The following AAK1 variants were observed in gnomAD, a reference collection of about 807,000 sequenced individuals.
The protein encoded by AAK1 is AP2 associated kinase 1, also known as AP2-associated protein kinase 1.
A neutral mutation model predicts 116.0 loss-of-function variants in AAK1; 37 were observed. The observed-to-expected ratio is 0.32, with a 90% CI of 0.25 to 0.42. The LOEUF (loss-of-function observed/expected upper bound fraction) is 0.42. AAK1 is among the 10% of genes least tolerant of loss of function. The pLI, the probability that AAK1 is intolerant of heterozygous loss-of-function variation, is 1.00. For synonymous variants in AAK1, 458 were observed against 439.9 expected (o/e 1.04, Z -0.51); for missense variants, 919 against 1,170.6 (o/e 0.79, Z 3.14).
chr2:69,560,071 A>C (rs1199443497), intron 2 of AAK1, among the ~76,000 whole-genome samples: 1 of 152,242 alleles, frequency 6.6e-6, no homozygotes, highest in Non-Finnish European at 1.5e-5. Context: ...ACACAGATGA[A>C]GCCACATTGT....
intron 2 of AAK1, among the ~76,000 whole-genome samples, chr2:69,636,849 G>A (rs531704388): frequency 2.0e-5 from 3 of 152,090 alleles, no homozygotes; most frequent in African/African-American, 7.2e-5. Flanking sequence ...ACAGGTAGCC[G>A]CCACCACGCC....
At chr2:69,531,471 T>TA (rs1344465572) in intron 6 of AAK1, 24 of 540,710 alleles carry the variant, frequency 4.4e-5, no homozygotes, top group African/African-American at 8.3e-5. Flanking sequence ...CTGTTGCCTG[T>TA]AAAAAATCCA....
At chr2:69,560,929 G>A (rs544930496) in intron 2 of AAK1, among the ~76,000 whole-genome samples, 12 of 152,350 alleles carry the variant, frequency 7.9e-5, no homozygotes, top group Admixed American at 3.9e-4. Flanking sequence ...TATGGGAAAC[G>A]AATGTGATGG....
chr2:69,587,461 G>GTATA (rs141085291), intron 2 of AAK1, among the ~76,000 whole-genome samples: 2,108 of 137,774 alleles, frequency 0.015, 53 homozygotes, highest in African/African-American at 0.059. Flanking sequence ...ATATGTGTGT[G>GTATA]TATATATATA....
chr2:69,551,433 C>G (rs1334447135), intron 3 of AAK1, among the ~76,000 whole-genome samples: 2 of 152,216 alleles, frequency 1.3e-5, no homozygotes, highest in East Asian at 3.8e-4. Context: ...GTTCCAGATT[C>G]TTGTCCCAGA....
At chr2:69,533,244 A>T (rs143787922) in intron 5 of AAK1, among the ~76,000 whole-genome samples, 122 of 152,266 alleles carry the variant, frequency 8.0e-4, no homozygotes, top group African/African-American at 2.8e-3. Flanking sequence ...GGTCTTCTCT[A>T]CCTAGTGCCT....
chr2:69,477,660 CTG>C (rs1416819924), intron 20 of AAK1, among the ~76,000 whole-genome samples: 1 of 152,246 alleles, frequency 6.6e-6, no homozygotes, highest in Non-Finnish European at 1.5e-5. Context: ...TGATGCTTCT[CTG>C]TAATTCTACA....
In AAK1 at chr2:69,520,955, T is replaced by C; in HGVS notation, c.1089A>G (p.Ser363=). 1.2e-6 allele frequency: 2 copies of C among 1,613,822 alleles called. No homozygotes were observed. Among genetic ancestry groups the C allele is most frequent in the Non-Finnish European group, 1.7e-6 (2 of 1,179,802 alleles). ...CTTTAGGCCTCTGGCGGGGTGCAAT[T>C]GAAGTCTCTGTGGTGGGAATGGGAT... ...LTDPIPTTET[S]IAPRQRPKAG... is the part of the protein sequence containing the mutation. The change falls in exon 11 of 22, where the codon TCA becomes TCG. Residue 363 remains serine, a synonymous_variant. Coordinates refer to ENST00000409085, the MANE Select transcript of AAK1 (RefSeq NM_014911.5).
chr2:69,475,760 C>T lies in AAK1; in HGVS notation c.*109G>A, dbSNP rs1674831328. ...GGGGTAGGAGAAAAGGGCTGGAGGG[C>T]CCCTTATTTGCAGATTTTTTTAAAA... On this transcript the variant is annotated 3_prime_UTR_variant, in exon 22 of 22. Transcript: ENST00000409085. 6.1e-6 allele frequency: 9 copies of T among 1,480,960 alleles called. No homozygotes were observed. In the South Asian group the frequency reaches 1.2e-4, roughly 20 times the overall value. The allele number at this position is 1,480,960 out of a possible 1,614,324, so 91.7% of individuals were successfully genotyped here.
intron 2 of AAK1, among the ~76,000 whole-genome samples, chr2:69,595,255 G>A (rs1673223598): frequency 6.6e-6 from 1 of 152,134 alleles, no homozygotes; most frequent in Admixed American, 6.5e-5. Context: ...TGGGATTACA[G>A]GCACGCACCA....
intron 2 of AAK1, among the ~76,000 whole-genome samples, chr2:69,640,622 G>C (rs868043873): frequency 6.6e-6 from 1 of 152,230 alleles, no homozygotes. Context: ...TAAATACTTT[G>C]TATACTGGCT....
intron 12 of AAK1, among the ~76,000 whole-genome samples, chr2:69,518,483 G>A (rs925938958): frequency 4.0e-5 from 6 of 149,350 alleles, no homozygotes; most frequent in African/African-American, 7.4e-5. Context: ...GCAATGGCAC[G>A]ATCTCGGCTC....
intron 5 of AAK1, among the ~76,000 whole-genome samples, chr2:69,537,214 A>C (rs1449700448): frequency 6.6e-6 from 1 of 152,226 alleles, no homozygotes; most frequent in African/African-American, 2.4e-5. Context: ...TTCTCAGAGA[A>C]ATGAAAATTT....
intron 2 of AAK1, among the ~76,000 whole-genome samples, chr2:69,630,999 A>G (rs1432504793): frequency 1.3e-5 from 2 of 152,228 alleles, no homozygotes; most frequent in Non-Finnish European, 2.9e-5. Flanking sequence ...GGGAGATTAA[A>G]CAAGTCTAAC....
At chr2:69,513,491 T>C (rs1267423861) in intron 13 of AAK1, among the ~76,000 whole-genome samples, 1 of 152,092 alleles carries the variant, frequency 6.6e-6, no homozygotes, top group Non-Finnish European at 1.5e-5. Context: ...GGCTAATTTT[T>C]TTTTTGTATT....
chr2:69,542,598 C>G lies in AAK1; in HGVS notation c.459G>C (p.Gln153His), dbSNP rs776717437. ...QTGFTENEVL[Q>H]IFCDTCEAVA... ...CAGCTTCACAGGTATCACAAAATATCTGGAGCACTTCATTCTCTGTAAAGC... is the reference window on the plus strand; with the variant it reads ...CAGCTTCACAGGTATCACAAAATATGTGGAGCACTTCATTCTCTGTAAAGC... Residue 153 changes from glutamine to histidine, a missense_variant, in exon 5 of 22, where the codon CAG (glutamine) becomes CAC (histidine). Gln to His is a conservative substitution (Grantham distance 24, BLOSUM62 0). Coordinates refer to ENST00000409085, the MANE Select transcript of AAK1 (RefSeq NM_014911.5). 3 of 1,613,882 alleles carry G rather than the reference C, an allele frequency of 1.9e-6. No homozygotes were observed. The African/African-American group carries it at 4.0e-5, about 22-fold the overall frequency.
chr2:69,505,135 C>A (rs2312086), intron 16 of AAK1, among the ~76,000 whole-genome samples: 1,572 of 140,046 alleles, frequency 0.011, 126 homozygotes, highest in African/African-American at 0.041. Context: ...GCACACACAC[C>A]CACACACACA....
intron 17 of AAK1, among the ~76,000 whole-genome samples, chr2:69,487,274 G>A (rs1414667087): frequency 1.3e-5 from 2 of 152,178 alleles, no homozygotes; most frequent in Non-Finnish European, 2.9e-5. Flanking sequence ...CATGGAGCCT[G>A]GAGGCCTTCC....
At position 69,557,189 on chromosome 2, in the gene AAK1, T is replaced by C. The variant is rs1671418960; in HGVS notation, c.164-211A>G. Among the ~76,000 whole-genome samples the C allele has an allele frequency of 2.6e-5, 4 of 152,160 alleles. No individual in the cohort carries two copies. In the South Asian group the frequency reaches 8.3e-4, roughly 32 times the overall value. On this transcript the variant is annotated intron_variant, in intron 2 of 21. Coordinates refer to ENST00000409085, the MANE Select transcript of AAK1 (RefSeq NM_014911.5). ...GAGTGGGTGGCAAGAGTCAGAGAAA[T>C]TGTTCCCAAACACCTATCTTAGGAT...
Sources: gnomAD v4.1 joint callset for allele counts (sites outside exome capture counted in the v4.1 genomes callset) on GRCh38, gnomAD v4.1.1 for gene constraint, MANE v1.5 for transcripts, NCBI Gene and HGNC (gene_info 2026-07-23, HGNC 2026-07-21) for gene names.